The following SEMA3A variants were observed in gnomAD, a reference collection of about 807,000 sequenced individuals.
The protein encoded by SEMA3A is semaphorin-3A.
SEMA3A carries 29 observed loss-of-function variants against 97.9 expected under a neutral mutation model. That is an observed-to-expected ratio of 0.30 (90% CI 0.22 to 0.40). The LOEUF (loss-of-function observed/expected upper bound fraction) is 0.40, where lower values mean the gene tolerates loss of function less well. Among genes scored for constraint, SEMA3A ranks in the 10% least tolerant of loss-of-function variants. The probability of loss-of-function intolerance (pLI) is 1.00; values close to 1 mark genes in which losing one functional copy is unlikely to be tolerated. For synonymous variants in SEMA3A, 321 were observed against 323.7 expected (o/e 0.99, Z 0.09); for missense variants, 763 against 951.3 (o/e 0.80, Z 2.60).
chr7:84,154,548 C>T (rs1279567538), intron 1 of SEMA3A, among the ~76,000 whole-genome samples: 1 of 151,698 alleles, frequency 6.6e-6, no homozygotes, highest in Non-Finnish European at 1.5e-5. Context: ...TGGTGGTGGG[C>T]GCCTGTAATC....
chr7:84,419,342 G>A (rs1804524304), intron 1 of SEMA3A, among the ~76,000 whole-genome samples: 1 of 152,070 alleles, frequency 6.6e-6, no homozygotes, highest in African/African-American at 2.4e-5. Flanking sequence ...GCACAATGTA[G>A]TATATCTTAA....
At chr7:84,377,778 GGAGGTGTCCCAGGGA>G (rs1803144830) in intron 1 of SEMA3A, among the ~76,000 whole-genome samples, 1 of 152,072 alleles carries the variant, frequency 6.6e-6, no homozygotes, top group South Asian at 2.1e-4. Context: ...TTTTTTATAT[GGAGGTGTCCCAGGGA>G]GAGGTGTCCA....
In SEMA3A at chr7:84,025,073, C is replaced by T. The variant is rs966047147; in HGVS notation, c.668-10722G>A. 3.3e-5 allele frequency among the ~76,000 whole-genome samples: 5 copies of T among 151,786 alleles called. No individual in the cohort carries two copies. The East Asian group carries it at 5.8e-4, about 18-fold the overall frequency. ...CTGCACTCCAGCCTGGGTAACAAAG[C>T]GAGACTCTGTCTTTAAATGAATAAA... is the stretch of plus-strand genomic sequence containing the variant. On this transcript the variant is annotated intron_variant, in intron 6 of 16. Coordinates refer to ENST00000265362, the MANE Select transcript of SEMA3A (RefSeq NM_006080.3).
intron 3 of SEMA3A, among the ~76,000 whole-genome samples, chr7:84,120,544 A>T (rs1006112571): frequency 6.6e-6 from 1 of 152,178 alleles, no homozygotes; most frequent in African/African-American, 2.4e-5. Context: ...CCACAAACAG[A>T]TACAGACATA....
At chr7:84,220,761 C>T (rs1798858657) in intron 3 of SEMA3A, among the ~76,000 whole-genome samples, 1 of 152,080 alleles carries the variant, frequency 6.6e-6, no homozygotes. Flanking sequence ...TATTCGGTAA[C>T]CCATGCTCTA....
intron 1 of SEMA3A, among the ~76,000 whole-genome samples, chr7:84,376,847 T>C (rs1803116981): frequency 6.8e-6 from 1 of 148,076 alleles, no homozygotes; most frequent in Non-Finnish European, 1.5e-5. Flanking sequence ...ATCAGATTTA[T>C]TTTTATGTAT....
chr7:84,303,111 C>T (rs1278398329), intron 3 of SEMA3A, among the ~76,000 whole-genome samples: 2 of 152,176 alleles, frequency 1.3e-5, no homozygotes, highest in Non-Finnish European at 2.9e-5. Flanking sequence ...TCCACACCTA[C>T]TCACAGCCAT....
intron 1 of SEMA3A, among the ~76,000 whole-genome samples, chr7:84,427,902 A>G (rs1374582330): frequency 1.3e-5 from 2 of 152,038 alleles, no homozygotes; most frequent in South Asian, 4.1e-4. Context: ...CCCATTGTAT[A>G]ATAAGTCTAT....
At chr7:84,278,399 A>G (rs1357379567) in intron 3 of SEMA3A, among the ~76,000 whole-genome samples, 1 of 151,536 alleles carries the variant, frequency 6.6e-6, no homozygotes, top group Non-Finnish European at 1.5e-5. Context: ...CCCTCTTTCA[A>G]CCTCTGCCTG....
rs1305846502 is a variant in SEMA3A at position 84,046,199 on chromosome 7, T to G, written c.667+125A>C. The G allele has an allele frequency of 3.8e-6, 4 of 1,066,222 alleles. No homozygotes were observed. In the East Asian group the frequency reaches 7.4e-5, roughly 20 times the overall value. The allele number at this position is 1,066,222 out of a possible 1,614,324, so 66.0% of individuals were successfully genotyped here. A position where few individuals can be genotyped will look rare whatever the true frequency, so the allele number is the denominator to read the frequency against. ...CTTTCTCACACCCACCATCATGAAG[T>G]CACCACCATTAGCTTAACTGCACAA... On this transcript the variant is annotated intron_variant, in intron 6 of 16. Coordinates refer to ENST00000265362, the MANE Select transcript of SEMA3A (RefSeq NM_006080.3).
intron 1 of SEMA3A, among the ~76,000 whole-genome samples, chr7:84,424,219 T>C (rs1804678859): frequency 6.6e-6 from 1 of 150,482 alleles, no homozygotes; most frequent in South Asian, 2.1e-4. Flanking sequence ...CAATTCACAA[T>C]TGCAAAGATA....
rs997889514 is a variant in SEMA3A at position 84,282,660 on chromosome 7, T to C, written c.-83+24547A>G. Among the ~76,000 whole-genome samples, 176 of 152,068 alleles carry C rather than the reference T, an allele frequency of 1.2e-3. 1 individual carries two copies. Among genetic ancestry groups the C allele is most frequent in the Non-Finnish European group, 2.9e-4 (20 of 68,016 alleles). On this transcript the variant is annotated intron_variant, in intron 3 of 3. Transcript: ENST00000424555. Reference sequence around the variant, plus strand: ...GTATAGTATCTATTAATAGCTGTGCTCTCTCTCACACTTTCTCCAAGAAAA... The same window carrying C: ...GTATAGTATCTATTAATAGCTGTGCCCTCTCTCACACTTTCTCCAAGAAAA...
intron 4 of SEMA3A, among the ~76,000 whole-genome samples, chr7:84,095,358 C>CACACATATATATATATATATATAT (rs1211794166): frequency 1.5e-4 from 19 of 122,886 alleles, no homozygotes; most frequent in Non-Finnish European, 2.4e-4. Context: ...TTTTTATATA[C>CACACATATATATATATATATATAT]ATATATATAT....
chr7:84,203,383 C>T (rs888977502), intron 3 of SEMA3A, among the ~76,000 whole-genome samples: 1 of 149,664 alleles, frequency 6.7e-6, no homozygotes, highest in African/African-American at 2.5e-5. Context: ...AGAATAAAGC[C>T]TATCCTATTA....
At chr7:84,306,687 C>T (rs1424266423) in intron 3 of SEMA3A, 1 of 152,056 alleles carries the variant, frequency 6.6e-6, no homozygotes, top group Non-Finnish European at 1.5e-5. Context: ...TTTTACTTTA[C>T]AGGTGATATT....
chr7:84,302,250 T>C (rs1419299674), intron 3 of SEMA3A, among the ~76,000 whole-genome samples: 1 of 152,178 alleles, frequency 6.6e-6, no homozygotes, highest in African/African-American at 2.4e-5. Flanking sequence ...GAGTTAGGAA[T>C]AATTTTTCCT....
intron 4 of SEMA3A, among the ~76,000 whole-genome samples, chr7:84,102,437 G>A (rs201492618): frequency 1.3e-5 from 2 of 152,112 alleles, no homozygotes; most frequent in East Asian, 3.9e-4. Context: ...CATTAATCCA[G>A]TAAGGAAAAG....
At chr7:84,215,932 C>A (rs1009992550) in intron 3 of SEMA3A, among the ~76,000 whole-genome samples, 2 of 152,268 alleles carry the variant, frequency 1.3e-5, no homozygotes, top group Non-Finnish European at 2.9e-5. Context: ...TAGATACACA[C>A]ACACACACAC....
At chr7:84,052,813 A>G (rs1471531808) in intron 5 of SEMA3A, among the ~76,000 whole-genome samples, 1 of 149,516 alleles carries the variant, frequency 6.7e-6, no homozygotes, top group African/African-American at 2.5e-5. Context: ...TTAGGGTGTC[A>G]ATTTTGGATC....
Sources: allele counts gnomAD v4.1 joint callset (sites outside exome capture counted in the v4.1 genomes callset), GRCh38; gene constraint gnomAD v4.1.1; transcripts MANE v1.5; gene names NCBI Gene and HGNC (gene_info 2026-07-23, HGNC 2026-07-21).